The following TGS1 variants were observed in gnomAD, a reference collection of about 807,000 sequenced individuals.
TGS1 encodes the protein trimethylguanosine synthase.
In TGS1, 69 loss-of-function variants were observed where a neutral mutation model predicts 92.2. That is an observed-to-expected ratio of 0.75 (90% CI 0.62 to 0.91). The LOEUF (loss-of-function observed/expected upper bound fraction) is 0.91, where lower values mean the gene tolerates loss of function less well. Ranked by LOEUF, TGS1 falls within the 40% of genes least tolerant of loss-of-function variation. TGS1 has a pLI of 0.00. For missense variants in TGS1, 1,062 were observed against 1,001.2 expected, an observed-to-expected ratio of 1.06 and a Z score of -0.82; for synonymous variants, 345 against 338.1, an observed-to-expected ratio of 1.02 and a Z score of -0.22.
chr8:55,821,746 G>A (rs542108166), intron 12 of TGS1, among the ~76,000 whole-genome samples: 16 of 151,858 alleles, frequency 1.1e-4, no homozygotes, highest in Admixed American at 2.0e-4. Flanking sequence ...GGTGGCGGGC[G>A]CCTGTAGTCC....
At position 55,773,506 on chromosome 8, in the gene TGS1, C is replaced by G; in HGVS notation, c.-113C>G. Reference sequence around the variant, plus strand: ...CGAGCGGCCGCGGGCCAGTTTCTATCTCCTCATCCAGGGCTTGCGGGCGAG... The same window carrying G: ...CGAGCGGCCGCGGGCCAGTTTCTATGTCCTCATCCAGGGCTTGCGGGCGAG... On this transcript the variant is annotated 5_prime_UTR_variant, in exon 1 of 13. In the 5' UTR this introduces an upstream ATG that the reference lacks. Transcript: ENST00000260129. 2 of 727,876 alleles carry G rather than the reference C, an allele frequency of 2.7e-6. No homozygotes were observed. Among genetic ancestry groups the G allele is most frequent in the South Asian group, 2.0e-5 (1 of 50,454 alleles). 45.1% of individuals were successfully genotyped at this position (727,876 alleles called of 1,614,324 possible).
chr8:55,802,384 T>TAGG lies in TGS1; in HGVS notation c.1850-73_1850-72insAGG, dbSNP rs112187648. 338 of 1,289,126 alleles carry TAGG rather than the reference T, an allele frequency of 2.6e-4. 2 individuals are homozygous for TAGG. The African/African-American group carries it at 4.4e-3, about 17-fold the overall frequency. 79.9% of individuals were successfully genotyped at this position (1,289,126 alleles called of 1,614,324 possible). A position where few individuals can be genotyped will look rare whatever the true frequency, so the allele number is the denominator to read the frequency against. Reference sequence around the variant, plus strand: ...CTTGTAATTATTTGATGTGGCTTCATTTTTAGATAAACTCACCTGTGATAC... The same window carrying TAGG: ...CTTGTAATTATTTGATGTGGCTTCATAGGTTTTAGATAAACTCACCTGTGATAC... On this transcript the variant is annotated intron_variant, in intron 8 of 12. Transcript: ENST00000260129.
At chr8:55,777,902 AT>A (rs56285134) in intron 1 of TGS1, among the ~76,000 whole-genome samples, 90,718 of 150,306 alleles carry the variant, frequency 0.6, 27,588 homozygotes, top group Admixed American at 0.66. Context: ...AATAATTTAA[AT>A]TTTTTTTTTT....
intron 1 of TGS1, among the ~76,000 whole-genome samples, chr8:55,774,171 A>G (rs1475541782): frequency 6.6e-6 from 1 of 152,196 alleles, no homozygotes; most frequent in Non-Finnish European, 1.5e-5. Flanking sequence ...AAAAGACTTA[A>G]CCATATTTAC....
At chr8:55,794,484 G>A (rs2130163061) in intron 6 of TGS1, among the ~76,000 whole-genome samples, 1 of 152,312 alleles carries the variant, frequency 6.6e-6, no homozygotes, top group Admixed American at 6.5e-5. Context: ...AAGCAACAGT[G>A]CAGGTGCAGT....
intron 12 of TGS1, among the ~76,000 whole-genome samples, chr8:55,822,709 T>C (rs979297734): frequency 2.6e-5 from 4 of 151,350 alleles, no homozygotes; most frequent in African/African-American, 4.9e-5. Flanking sequence ...AAAAAAATAG[T>C]GGGGGGGGTG....
At chr8:55,811,952 C>T (rs906540187) in intron 11 of TGS1, among the ~76,000 whole-genome samples, 2 of 152,134 alleles carry the variant, frequency 1.3e-5, no homozygotes, top group African/African-American at 4.8e-5. Flanking sequence ...AAAACAAGGA[C>T]TAGAACACAT....
chr8:55,782,902 A>G, intron 2 of TGS1, 90 bp downstream of exon 2: 1 of 799,076 alleles, frequency 1.3e-6, no homozygotes, highest in Non-Finnish European at 2.0e-6. Context: ...TATTGTATTG[A>G]TTTGTTAGCA....
chr8:55,776,071 A>G (rs538116726), intron 1 of TGS1, among the ~76,000 whole-genome samples: 2 of 152,140 alleles, frequency 1.3e-5, no homozygotes, highest in African/African-American at 4.8e-5. Flanking sequence ...GAAGGGGTTT[A>G]TTCGGCCAGG....
chr8:55,804,927 T>C lies in TGS1; in HGVS notation c.2034T>C (p.Ala678=), dbSNP rs1327517277. ...TTTCAGTTACACCCGAGAAGATTGC[T>C]GAACACATTGCTGGCCGTGTTAGTC... ...GWFSVTPEKI[A]EHIAGRVSQS... is the part of the protein sequence containing the mutation. The change falls in exon 10 of 13, where the codon GCT becomes GCC. Residue 678 remains alanine, a synonymous_variant. Coordinates refer to ENST00000260129, the MANE Select transcript of TGS1 (RefSeq NM_024831.8). 1 of 1,614,090 alleles carries C rather than the reference T, an allele frequency of 6.2e-7. No individual in the cohort carries two copies. Among genetic ancestry groups the C allele is most frequent in the Admixed American group, 1.7e-5 (1 of 60,018 alleles).
chr8:55,786,525 A>C lies in TGS1; in HGVS notation c.627A>C (p.Leu209=). 6.2e-7 allele frequency: 1 copy of C among 1,614,210 alleles called. No individual in the cohort carries two copies. ...EKYWNEYGGG[L]LWQSWQEKHP... ...ATTGGAATGAATATGGAGGAGGACT[A>C]TTGTGGCAAAGTTGGCAAGAAAAAC... The change falls in exon 4 of 13, where the codon CTA becomes CTC. Residue 209 remains leucine (L), a synonymous_variant. Transcript: ENST00000260129.
rs188303075 is a variant in TGS1 at position 55,773,496 on chromosome 8, C to T, written c.-123C>T. 3 of 660,184 alleles carry T rather than the reference C, an allele frequency of 4.5e-6. No individual in the cohort carries two copies. Among genetic ancestry groups the T allele is most frequent in the Non-Finnish European group, 7.3e-6 (3 of 411,496 alleles). 40.9% of individuals were successfully genotyped at this position (660,184 alleles called of 1,614,324 possible). On this transcript the variant is annotated 5_prime_UTR_variant, in exon 1 of 13. Coordinates refer to ENST00000260129, the MANE Select transcript of TGS1 (RefSeq NM_024831.8). ...GTTCCCGGCGCGAGCGGCCGCGGGC[C>T]AGTTTCTATCTCCTCATCCAGGGCT...
At chr8:55,788,518 C>T (rs891830462) in intron 4 of TGS1, among the ~76,000 whole-genome samples, 3 of 141,560 alleles carry the variant, frequency 2.1e-5, no homozygotes, top group Non-Finnish European at 4.5e-5. Flanking sequence ...TGCAGTGGCA[C>T]TATCTCAGCT....
chr8:55,781,531 C>T (rs1230801754), intron 1 of TGS1, among the ~76,000 whole-genome samples: 2 of 152,228 alleles, frequency 1.3e-5, no homozygotes, highest in African/African-American at 4.8e-5. Context: ...CTCTCCTCCA[C>T]CTGACACTTC....
At chr8:55,797,946 T>C (rs1381483601) in intron 7 of TGS1, among the ~76,000 whole-genome samples, 2 of 152,230 alleles carry the variant, frequency 1.3e-5, no homozygotes, top group African/African-American at 4.8e-5. Flanking sequence ...TCAGGTTGGT[T>C]GGCTGCTGGT....
chr8:55,806,118 G>A (rs1812361827), intron 10 of TGS1, among the ~76,000 whole-genome samples: 1 of 151,640 alleles, frequency 6.6e-6, no homozygotes. Context: ...CACTTTAGGA[G>A]GCCGAGGCAG....
intron 10 of TGS1, among the ~76,000 whole-genome samples, chr8:55,805,261 G>A (rs1057353433): frequency 6.6e-6 from 1 of 152,118 alleles, no homozygotes; most frequent in African/African-American, 2.4e-5. Context: ...TGAACTGTAT[G>A]AGTCCACTTA....
Position 55,805,049 on chromosome 8 carries a change from C to T in TGS1, c.2143+13C>T. On this transcript the variant is annotated intron_variant, in intron 10 of 12. Transcript: ENST00000260129. Reference sequence around the variant, plus strand: ...ACAGGAATGAGAGGTAATTAGCCATCAATGGAAGTGAACTATTTTATGTCC... The same window carrying T: ...ACAGGAATGAGAGGTAATTAGCCATTAATGGAAGTGAACTATTTTATGTCC... 6.2e-7 allele frequency: 1 copy of T among 1,611,808 alleles called. No individual in the cohort carries two copies. The highest frequency in any genetic ancestry group is 8.5e-7 in the Non-Finnish European group (1 of 1,178,552).
Position 55,804,999 on chromosome 8 carries a change from A to G in TGS1, c.2106A>G (p.Gly702=), listed in dbSNP as rs201619185. ...DVVVDAFCGV[G]GNTIQFALTG... Reference sequence around the variant, plus strand: ...TAGTAGACGCATTCTGTGGAGTTGGAGGAAATACCATTCAGTTTGCCTTAA... The same window carrying G: ...TAGTAGACGCATTCTGTGGAGTTGGGGGAAATACCATTCAGTTTGCCTTAA... Residue 702 remains glycine (G), a synonymous_variant, in exon 10 of 13, where the codon GGA becomes GGG. Coordinates refer to ENST00000260129, the MANE Select transcript of TGS1 (RefSeq NM_024831.8). 2.9e-5 allele frequency: 47 copies of G among 1,613,908 alleles called. No homozygotes were observed. The highest frequency in any genetic ancestry group is 3.4e-5 in the Non-Finnish European group (40 of 1,179,950).
Sources: gnomAD v4.1 joint callset for allele counts (sites outside exome capture counted in the v4.1 genomes callset) on GRCh38, gnomAD v4.1.1 for gene constraint, MANE v1.5 for transcripts, NCBI Gene and HGNC (gene_info 2026-07-23, HGNC 2026-07-21) for gene names.